MYO1D: variants seen among roughly 807,000 people sequenced by gnomAD.
The protein encoded by MYO1D is unconventional myosin-Id.
MYO1D carries 83 observed loss-of-function variants against 122.0 expected under a neutral mutation model. That is an observed-to-expected ratio of 0.68 (90% CI 0.57 to 0.82). MYO1D has a LOEUF of 0.82. MYO1D is among the 40% of genes least tolerant of loss of function. The probability of loss-of-function intolerance (pLI) is 0.00; values close to 1 mark genes in which losing one functional copy is unlikely to be tolerated. For synonymous variants in MYO1D, 464 were observed against 446.9 expected, an observed-to-expected ratio of 1.04 and a Z score of -0.48; for missense variants, 1,157 against 1,269.5, an observed-to-expected ratio of 0.91 and a Z score of 1.35.
intron 16 of MYO1D, among the ~76,000 whole-genome samples, chr17:32,684,909 C>T (rs2088984152): frequency 6.6e-6 from 1 of 152,124 alleles, no homozygotes; most frequent in Admixed American, 6.5e-5. Flanking sequence ...CATCTTAAAT[C>T]AGCTGGTTCT....
intron 13 of MYO1D, among the ~76,000 whole-genome samples, chr17:32,738,986 T>C (rs2089742629): frequency 6.6e-6 from 1 of 152,228 alleles, no homozygotes; most frequent in Non-Finnish European, 1.5e-5. Flanking sequence ...AATATTTTAT[T>C]GATGTGACAT....
intron 19 of MYO1D, among the ~76,000 whole-genome samples, chr17:32,652,916 C>A (rs951095426): frequency 6.6e-6 from 1 of 152,056 alleles, no homozygotes; most frequent in African/African-American, 2.4e-5. Context: ...CCGAGGCGGG[C>A]GGATCACGAG....
At chr17:32,810,743 C>T (rs1405673160) in intron 1 of MYO1D, among the ~76,000 whole-genome samples, 1 of 152,192 alleles carries the variant, frequency 6.6e-6, no homozygotes, top group East Asian at 1.9e-4. Flanking sequence ...TCCCACAGTG[C>T]TGGGATTACA....
chr17:32,743,656 C>T (rs796245423), intron 13 of MYO1D, among the ~76,000 whole-genome samples: 8 of 151,530 alleles, frequency 5.3e-5, no homozygotes, highest in East Asian at 2.0e-4. Context: ...CTCACTCTGT[C>T]GCCCAGGCTG....
chr17:32,601,173 C>A (rs750369148), intron 21 of MYO1D, among the ~76,000 whole-genome samples: 1 of 152,084 alleles, frequency 6.6e-6, no homozygotes, highest in African/African-American at 2.4e-5. Flanking sequence ...TGGCCTCAAG[C>A]AATCCTCCCG....
intron 1 of MYO1D, among the ~76,000 whole-genome samples, chr17:32,821,564 ACAC>A (rs2090665395): frequency 6.6e-6 from 1 of 151,990 alleles, no homozygotes; most frequent in Admixed American, 6.6e-5. Context: ...ACACACACAC[ACAC>A]ATCTTTGACT....
chr17:32,561,023 T>C (rs1340800065), intron 21 of MYO1D, among the ~76,000 whole-genome samples: 3 of 151,296 alleles, frequency 2.0e-5, no homozygotes, highest in Non-Finnish European at 4.4e-5. Context: ...GTGATTCTCC[T>C]GCCTCAACCT....
At chr17:32,793,888 T>G (rs950528984) in intron 1 of MYO1D, among the ~76,000 whole-genome samples, 15 of 152,222 alleles carry the variant, frequency 9.9e-5, no homozygotes, top group African/African-American at 3.6e-4. Context: ...AGTGAGATAC[T>G]CTGCATAAAG....
intron 16 of MYO1D, among the ~76,000 whole-genome samples, chr17:32,678,464 T>C (rs2088857911): frequency 7.0e-6 from 1 of 143,852 alleles, no homozygotes; most frequent in African/African-American, 2.6e-5. Flanking sequence ...TGTGTCCATG[T>C]GATCTCATTG....
intron 14 of MYO1D, among the ~76,000 whole-genome samples, chr17:32,735,530 G>C (rs1264998747): frequency 6.6e-6 from 1 of 152,158 alleles, no homozygotes; most frequent in East Asian, 1.9e-4. Flanking sequence ...TCTGGGTACA[G>C]GGTTCCTTTG....
chr17:32,760,640 T>TAGC lies in MYO1D; in HGVS notation c.1036-16_1036-14dup, dbSNP rs1567628005. ...GCTCATATATTGCCTGCAAGGAAAA[T>TAGC]AGCATCATAAATGCTTGCCAATTTG... On this transcript the variant is annotated splice_polypyrimidine_tract_variant and intron_variant, in intron 8 of 21. Transcript: ENST00000318217. 6.3e-7 allele frequency: 1 copy of TAGC among 1,594,642 alleles called. No homozygotes were observed.
chr17:32,533,901 C>T (rs1025956297), intron 21 of MYO1D, among the ~76,000 whole-genome samples: 10 of 152,262 alleles, frequency 6.6e-5, no homozygotes, highest in Admixed American at 5.9e-4. Context: ...GGGAAATTAT[C>T]AAAATGCCCA....
intron 14 of MYO1D, among the ~76,000 whole-genome samples, chr17:32,729,650 A>G (rs1192072231): frequency 6.6e-6 from 1 of 152,216 alleles, no homozygotes; most frequent in Non-Finnish European, 1.5e-5. Context: ...CCTACACCTC[A>G]TGGTTGTTTT....
At chr17:32,639,137 T>C (rs2150939442) in intron 19 of MYO1D, among the ~76,000 whole-genome samples, 1 of 152,134 alleles carries the variant, frequency 6.6e-6, no homozygotes, top group African/African-American at 2.4e-5. Flanking sequence ...TTGAAAATCA[T>C]ATATCTAAAA....
chr17:32,632,060 A>T (rs2088014371), intron 20 of MYO1D, among the ~76,000 whole-genome samples: 1 of 151,592 alleles, frequency 6.6e-6, no homozygotes, highest in Non-Finnish European at 1.5e-5. Flanking sequence ...TAAAGTAGAA[A>T]ATATATTCTC....
chr17:32,811,949 A>G (rs1219051711), intron 1 of MYO1D, among the ~76,000 whole-genome samples: 1 of 152,170 alleles, frequency 6.6e-6, no homozygotes, highest in East Asian at 1.9e-4. Context: ...TGGGTCCTTG[A>G]AAACATAACT....
intron 14 of MYO1D, among the ~76,000 whole-genome samples, chr17:32,726,449 GTCATGCTTT>G (rs140808354): frequency 0.036 from 5,347 of 150,404 alleles, 316 homozygotes; most frequent in African/African-American, 0.12. Context: ...AAGAAAAAAA[GTCATGCTTT>G]TCATGAGTAA....
At chr17:32,557,480 G>C (rs758393891) in intron 21 of MYO1D, among the ~76,000 whole-genome samples, 3 of 151,848 alleles carry the variant, frequency 2.0e-5, no homozygotes, top group Non-Finnish European at 4.4e-5. Flanking sequence ...TTCAGGAGTC[G>C]GCAAACTTCC....
chr17:32,650,011 T>G (rs2088366528), intron 19 of MYO1D, among the ~76,000 whole-genome samples: 1 of 152,232 alleles, frequency 6.6e-6, no homozygotes, highest in South Asian at 2.1e-4. Context: ...AGAAAAGACA[T>G]GTATTTGTCT....
Sources: allele counts gnomAD v4.1 joint callset (sites outside exome capture counted in the v4.1 genomes callset), GRCh38; gene constraint gnomAD v4.1.1; transcripts MANE v1.5; gene names NCBI Gene and HGNC (gene_info 2026-07-23, HGNC 2026-07-21).